Variants in DAB1 observed in about 807,000 individuals in gnomAD.
DAB1 encodes the protein DAB adaptor protein 1.
DAB1 carries 15 observed loss-of-function variants against 64.6 expected under a neutral mutation model. That is an observed-to-expected ratio of 0.23 (90% CI 0.16 to 0.36). DAB1 has a LOEUF of 0.36. DAB1 is among the 10% of genes least tolerant of loss of function. The pLI, the probability that DAB1 is intolerant of heterozygous loss-of-function variation, is 1.00. For synonymous variants in DAB1, 235 were observed against 251.9 expected (o/e 0.93, Z 0.64); for missense variants, 596 against 706.7 (o/e 0.84, Z 1.78).
intron 5 of DAB1, among the ~76,000 whole-genome samples, chr1:58,091,637 T>G (rs1041486685): frequency 1.3e-5 from 2 of 152,028 alleles, no homozygotes; most frequent in Non-Finnish European, 2.9e-5. Context: ...ACAGGCCAAC[T>G]CTCCCTTCCA....
intron 9 of DAB1, among the ~76,000 whole-genome samples, chr1:57,057,680 T>C (rs1053889077): frequency 8.0e-4 from 121 of 151,004 alleles, no homozygotes; most frequent in Non-Finnish European, 1.3e-3. Context: ...TGATCTCGGC[T>C]CACTGCAAGC....
chr1:57,883,775 C>T (rs772531422), intron 1 of DAB1, among the ~76,000 whole-genome samples: 2 of 152,208 alleles, frequency 1.3e-5, no homozygotes, highest in Admixed American at 6.5e-5. Context: ...CAAAGGCATG[C>T]GCCTTTCAGT....
intron 7 of DAB1, among the ~76,000 whole-genome samples, chr1:57,540,031 G>C (rs1326490931): frequency 6.6e-6 from 1 of 152,206 alleles, no homozygotes; most frequent in Non-Finnish European, 1.5e-5. Flanking sequence ...ACAAGAATAA[G>C]TGGAATGTAC....
At chr1:57,817,125 G>A (rs568422404) in intron 6 of DAB1, among the ~76,000 whole-genome samples, 1 of 148,650 alleles carries the variant, frequency 6.7e-6, no homozygotes, top group East Asian at 2.0e-4. Context: ...ATGAAGAGAG[G>A]TGAAGCACTT....
chr1:57,796,693 G>C (rs1043501943), intron 6 of DAB1, among the ~76,000 whole-genome samples: 16 of 152,236 alleles, frequency 1.1e-4, no homozygotes, highest in African/African-American at 3.4e-4. Flanking sequence ...TGAGTCATTG[G>C]GTGTAGCAGC....
intron 7 of DAB1, among the ~76,000 whole-genome samples, chr1:57,445,147 T>G (rs1686092533): frequency 6.6e-6 from 1 of 152,142 alleles, no homozygotes; most frequent in African/African-American, 2.4e-5. Context: ...TTTTATTAAC[T>G]TCTTATACTG....
intron 6 of DAB1, among the ~76,000 whole-genome samples, chr1:57,781,120 CTCTCTCTA>C (rs1650064587): frequency 2.3e-4 from 11 of 48,340 alleles, no homozygotes; most frequent in East Asian, 7.3e-4. Flanking sequence ...CTCTCTCTCT[CTCTCTCTA>C]TATATATATA....
chr1:58,346,016 T>C (rs1221122544), intron 3 of DAB1, among the ~76,000 whole-genome samples: 1 of 152,194 alleles, frequency 6.6e-6, no homozygotes, highest in African/African-American at 2.4e-5. Context: ...TTTTAACAAC[T>C]GCAGTTCAGT....
In DAB1 at chr1:58,377,798, G is replaced by A. The variant is rs552069183; in HGVS notation, n.258-34395C>T. 1.3e-4 allele frequency among the ~76,000 whole-genome samples: 16 copies of A among 126,646 alleles called. 2 individuals carry two copies. The highest frequency in any genetic ancestry group is 2.6e-4 in the African/African-American group (9 of 35,172). 83.1% of individuals were successfully genotyped at this position (126,646 alleles called of 152,430 possible). ...GTTTTCCAACTTGGTTCCATTCTCC[G>A]CATCACTTTCAGGTACACCAATCAG... On this transcript the variant is annotated intron_variant and non_coding_transcript_variant, in intron 3 of 20. Coordinates refer to the DAB1 transcript ENST00000485760.
At chr1:58,021,732 A>G (rs1402668215) in intron 5 of DAB1, among the ~76,000 whole-genome samples, 1 of 152,322 alleles carries the variant, frequency 6.6e-6, no homozygotes, top group East Asian at 1.9e-4. Context: ...GTCTGGAGGT[A>G]AATGTAGATG....
chr1:58,522,315 C>G (rs1319453268), intron 2 of DAB1, among the ~76,000 whole-genome samples: 2 of 151,874 alleles, frequency 1.3e-5, no homozygotes, highest in African/African-American at 4.8e-5. Flanking sequence ...TACCCTGGAA[C>G]TTTAAAGTTG....
At chr1:57,616,095 T>C (rs567330272) in intron 7 of DAB1, among the ~76,000 whole-genome samples, 1 of 152,322 alleles carries the variant, frequency 6.6e-6, no homozygotes, top group African/African-American at 2.4e-5. Context: ...CCAGTGTTCT[T>C]ACTATGGCCC....
intron 2 of DAB1, among the ~76,000 whole-genome samples, chr1:57,218,261 C>G (rs769556475): frequency 6.6e-6 from 1 of 152,178 alleles, no homozygotes; most frequent in Non-Finnish European, 1.5e-5. Flanking sequence ...AAGCATTTAT[C>G]TATCCACAAC....
intron 2 of DAB1, among the ~76,000 whole-genome samples, chr1:57,191,961 G>A (rs139404051): frequency 2.6e-5 from 4 of 152,206 alleles, no homozygotes; most frequent in East Asian, 1.9e-4. Flanking sequence ...AGCATGGCAC[G>A]AGCTAATACC....
At chr1:57,628,680 A>C (rs1335447809) in intron 7 of DAB1, among the ~76,000 whole-genome samples, 1 of 152,240 alleles carries the variant, frequency 6.6e-6, no homozygotes, top group Non-Finnish European at 1.5e-5. Context: ...CATTCAAAAA[A>C]TCTTTCACTG....
At chr1:57,778,786 C>G (rs904194175) in intron 6 of DAB1, among the ~76,000 whole-genome samples, 50 of 152,048 alleles carry the variant, frequency 3.3e-4, no homozygotes, top group African/African-American at 1.2e-3. Context: ...ACTGTGTGAT[C>G]TAAAATTTAT....
At chr1:57,606,411 T>A (rs1238369250) in intron 7 of DAB1, among the ~76,000 whole-genome samples, 1 of 128,696 alleles carries the variant, frequency 7.8e-6, no homozygotes, top group Non-Finnish European at 1.6e-5. Flanking sequence ...ATTATATATA[T>A]GATATATATT....
chr1:58,237,124 C>G (rs142603643), intron 4 of DAB1, among the ~76,000 whole-genome samples: 1 of 152,204 alleles, frequency 6.6e-6, no homozygotes, highest in African/African-American at 2.4e-5. Context: ...TCTAATAAAG[C>G]AGTAATGTTA....
intron 7 of DAB1, among the ~76,000 whole-genome samples, chr1:57,635,297 C>T (rs1168424341): frequency 6.6e-6 from 1 of 152,142 alleles, no homozygotes; most frequent in Non-Finnish European, 1.5e-5. Context: ...TGGACTGGTA[C>T]CAGTTCATGG....
Sources: allele counts gnomAD v4.1 joint callset (sites outside exome capture counted in the v4.1 genomes callset), GRCh38; gene constraint gnomAD v4.1.1; transcripts MANE v1.5; gene names NCBI Gene and HGNC (gene_info 2026-07-23, HGNC 2026-07-21).